GALNT18: variants seen among roughly 807,000 people sequenced by gnomAD.
The protein encoded by GALNT18 is GalNAc-transferase 18.
In GALNT18, 44 loss-of-function variants were observed where a neutral mutation model predicts 69.5. The observed-to-expected ratio is 0.63, with a 90% CI of 0.50 to 0.81. The LOEUF (loss-of-function observed/expected upper bound fraction) is 0.81, where lower values mean the gene tolerates loss of function less well. Ranked by LOEUF, GALNT18 falls within the 40% of genes least tolerant of loss-of-function variation. The pLI is 0.00. For missense variants in GALNT18, 715 were observed against 810.0 expected (o/e 0.88, Z 1.42); for synonymous variants, 364 against 318.2 (o/e 1.14, Z -1.53).
At chr11:11,510,450 C>T (rs1857144370) in intron 1 of GALNT18, among the ~76,000 whole-genome samples, 1 of 151,434 alleles carries the variant, frequency 6.6e-6, no homozygotes, top group Non-Finnish European at 1.5e-5. Flanking sequence ...CTTCTGCAAA[C>T]CTTCCATGAG....
At chr11:11,331,424 T>C (rs369130676) in intron 8 of GALNT18, among the ~76,000 whole-genome samples, 2 of 152,020 alleles carry the variant, frequency 1.3e-5, no homozygotes, top group East Asian at 3.9e-4. Context: ...AGGATGTATA[T>C]GATATAAGAG....
At position 11,612,722 on chromosome 11, in the gene GALNT18, C is replaced by T. The variant is rs545377363; in HGVS notation, c.235+8637G>A. On this transcript the variant is annotated intron_variant, in intron 1 of 10. Transcript: ENST00000227756. Reference sequence around the variant, plus strand: ...ACAATCTTAATCAGGGAACTCTGCTCTGAGACTTAAACTCAGTGCATTTGT... The same window carrying T: ...ACAATCTTAATCAGGGAACTCTGCTTTGAGACTTAAACTCAGTGCATTTGT... Among the ~76,000 whole-genome samples the T allele has an allele frequency of 2.4e-4, 37 of 152,328 alleles. 1 individual carries two copies. In the South Asian group the frequency reaches 6.4e-3, roughly 26 times the overall value.
rs1311364222 is a variant in GALNT18 at position 11,621,705 on chromosome 11, A to G, written c.-112T>C. 5 of 755,488 alleles carry G rather than the reference A, an allele frequency of 6.6e-6. No homozygotes were observed. The highest frequency in any genetic ancestry group is 1.1e-5 in the Non-Finnish European group (5 of 464,382). 46.8% of individuals were successfully genotyped at this position (755,488 alleles called of 1,614,324 possible). A position where few individuals can be genotyped will look rare whatever the true frequency, so the allele number is the denominator to read the frequency against. On this transcript the variant is annotated 5_prime_UTR_variant, in exon 1 of 11. Coordinates refer to ENST00000227756, the MANE Select transcript of GALNT18 (RefSeq NM_198516.3). This position sits in a 1 kb window ranked among gnomAD's most constrained non-coding sequence, Gnocchi z 9.3. ...GTCCGGAGCCGCTGGGCACCTCAGC[A>G]CCTGAGTCCCGAGGTTCTCCAAAGC...
chr11:11,314,995 A>T lies in GALNT18; in HGVS notation c.1512+12091T>A, dbSNP rs1849727233. Among the ~76,000 whole-genome samples the T allele has an allele frequency of 6.6e-6, 1 of 152,048 alleles. No individual in the cohort carries two copies. Among genetic ancestry groups the T allele is most frequent in the African/African-American group, 2.4e-5 (1 of 41,388 alleles). ...GGTGGTTTTAAGATTACATCAACTGACATACTGAAAGTGTCTAGCAGAGAT... is the reference window on the plus strand; with the variant it reads ...GGTGGTTTTAAGATTACATCAACTGTCATACTGAAAGTGTCTAGCAGAGAT... On this transcript the variant is annotated intron_variant, in intron 9 of 10. Coordinates refer to ENST00000227756, the MANE Select transcript of GALNT18 (RefSeq NM_198516.3). The surrounding 1 kb of genome is among the most constrained non-coding windows in gnomAD (Gnocchi z 5.2).
chr11:11,584,347 T>C lies in GALNT18; in HGVS notation c.235+37012A>G, dbSNP rs1483210426. ...CAAACACAAGGGGACAGTTTGTATTTTAAAGTCTTGGAAAAGTAAATCAAA... is the reference window on the plus strand; with the variant it reads ...CAAACACAAGGGGACAGTTTGTATTCTAAAGTCTTGGAAAAGTAAATCAAA... On this transcript the variant is annotated intron_variant, in intron 1 of 10. Coordinates refer to ENST00000227756, the MANE Select transcript of GALNT18 (RefSeq NM_198516.3). This position sits in a 1 kb window ranked among gnomAD's most constrained non-coding sequence, Gnocchi z 4.1. Among the ~76,000 whole-genome samples, 2 of 152,154 alleles carry C rather than the reference T, an allele frequency of 1.3e-5. No homozygotes were observed. Among genetic ancestry groups the C allele is most frequent in the East Asian group, 3.8e-4 (2 of 5,198 alleles).
In GALNT18 at chr11:11,619,640, C is replaced by T. The variant is rs1249638534; in HGVS notation, c.235+1719G>A. Among the ~76,000 whole-genome samples the T allele has an allele frequency of 6.6e-6, 1 of 152,158 alleles. No individual in the cohort carries two copies. Among genetic ancestry groups the T allele is most frequent in the East Asian group, 1.9e-4 (1 of 5,196 alleles). The stretch of plus-strand genomic sequence containing the variant: ...AATCTGTGAATGAAAATCTCAAAAT[C>T]TGTCGGCAAACTAGAAATGTCAAAG... On this transcript the variant is annotated intron_variant, in intron 1 of 10. Coordinates refer to ENST00000227756, the MANE Select transcript of GALNT18 (RefSeq NM_198516.3). The surrounding 1 kb of genome is among the most constrained non-coding windows in gnomAD (Gnocchi z 4.9).
At chr11:11,507,621 C>CAT (rs1204521733) in intron 1 of GALNT18, among the ~76,000 whole-genome samples, 3 of 152,054 alleles carry the variant, frequency 2.0e-5, no homozygotes, top group Non-Finnish European at 4.4e-5. Context: ...CCTTATAAAA[C>CAT]ATATATATTC....
At position 11,617,393 on chromosome 11, in the gene GALNT18, A is replaced by C. The variant is rs1184743528; in HGVS notation, c.235+3966T>G. On this transcript the variant is annotated intron_variant, in intron 1 of 10. Transcript: ENST00000227756. The surrounding 1 kb of genome is among the most constrained non-coding windows in gnomAD (Gnocchi z 4.7). ...CTCTAGTATACAGTTCACCACTGTAATCACTTTCTCAGTGCAGTGTCTGGC... is the reference window on the plus strand; with the variant it reads ...CTCTAGTATACAGTTCACCACTGTACTCACTTTCTCAGTGCAGTGTCTGGC... Among the ~76,000 whole-genome samples the C allele has an allele frequency of 6.6e-6, 1 of 152,232 alleles. No individual in the cohort carries two copies. The highest frequency in any genetic ancestry group is 1.5e-5 in the Non-Finnish European group (1 of 68,046).
intron 6 of GALNT18, among the ~76,000 whole-genome samples, chr11:11,357,748 G>A (rs1164506606): frequency 6.6e-6 from 1 of 152,090 alleles, no homozygotes; most frequent in Non-Finnish European, 1.5e-5. Context: ...GTGATTCTTG[G>A]GAGGGGTAAA....
intron 3 of GALNT18, among the ~76,000 whole-genome samples, chr11:11,417,691 TC>T (rs1198070803): frequency 6.6e-6 from 1 of 152,160 alleles, no homozygotes; most frequent in Non-Finnish European, 1.5e-5. Flanking sequence ...TCGGCCCACA[TC>T]CCATATTCAC....
intron 9 of GALNT18, among the ~76,000 whole-genome samples, chr11:11,312,564 GA>G (rs1849689772): frequency 6.6e-6 from 1 of 152,164 alleles, no homozygotes; most frequent in Non-Finnish European, 1.5e-5. Flanking sequence ...AGAGGCAGAA[GA>G]AAATTTGTAT....
chr11:11,352,273 G>A lies in GALNT18; in HGVS notation c.1093-11269C>T, dbSNP rs565318445. Reference sequence around the variant, plus strand: ...TGCTGATTTTCACTGTGGACAAAGCGTTCCCATCGCTTTCGAGAGTGTCTG... The same window carrying A: ...TGCTGATTTTCACTGTGGACAAAGCATTCCCATCGCTTTCGAGAGTGTCTG... On this transcript the variant is annotated intron_variant, in intron 6 of 10. Coordinates refer to ENST00000227756, the MANE Select transcript of GALNT18 (RefSeq NM_198516.3). 82 of 1,614,086 alleles carry A rather than the reference G, an allele frequency of 5.1e-5. 1 individual carries two copies. In the East Asian group the frequency reaches 6.5e-4, roughly 13 times the overall value.
rs73413685 is a variant in GALNT18, at chr11:11,613,058, C to G, written c.235+8301G>C. Among the ~76,000 whole-genome samples, 4,250 of 152,220 alleles carry G rather than the reference C, an allele frequency of 0.028. 188 individuals are homozygous for G. Among genetic ancestry groups the G allele is most frequent in the African/African-American group, 0.094 (3,924 of 41,534 alleles). ...GCTTCATCTCCCAAAAATAAACCTT[C>G]CAAAAACTGAAATTGAATGTCAGGC... is the stretch of plus-strand genomic sequence containing the variant. On this transcript the variant is annotated intron_variant, in intron 1 of 10. Coordinates refer to ENST00000227756, the MANE Select transcript of GALNT18 (RefSeq NM_198516.3). The surrounding 1 kb of genome is among the most constrained non-coding windows in gnomAD (Gnocchi z 4.2).
intron 2 of GALNT18, among the ~76,000 whole-genome samples, chr11:11,447,667 G>A (rs898494337): frequency 3.5e-4 from 53 of 152,210 alleles, no homozygotes; most frequent in African/African-American, 1.2e-3. Flanking sequence ...TGGCAGGAGA[G>A]AGAATGAGAG....
chr11:11,412,292 A>G (rs1854749530), intron 3 of GALNT18, among the ~76,000 whole-genome samples: 1 of 152,022 alleles, frequency 6.6e-6, no homozygotes, highest in Admixed American at 6.5e-5. Context: ...GCCCTACTAG[A>G]CCCCTACTAG....
In GALNT18 at chr11:11,342,546, C is replaced by T. The variant is rs554377740; in HGVS notation, c.1093-1542G>A. On this transcript the variant is annotated intron_variant, in intron 6 of 10. Transcript: ENST00000227756. The stretch of plus-strand genomic sequence containing the variant: ...CCCATCCATGTCACACCAGTTGGCC[C>T]CTATAGGCTCTAGGCTGTTGGAGTT... 3.3e-5 allele frequency among the ~76,000 whole-genome samples: 5 copies of T among 152,294 alleles called. No individual in the cohort carries two copies. In the East Asian group the frequency reaches 9.7e-4, roughly 29 times the overall value.
chr11:11,460,096 G>A (rs577017351), intron 1 of GALNT18, among the ~76,000 whole-genome samples: 8 of 152,166 alleles, frequency 5.3e-5, no homozygotes, highest in Non-Finnish European at 1.0e-4. Context: ...CTACGGTTGC[G>A]TTAGGCACAC....
chr11:11,497,767 T>TATATATACAC lies in GALNT18; in HGVS notation c.236-48832_236-48831insGTGTATATAT, dbSNP rs754130671. Among the ~76,000 whole-genome samples, 74 of 144,828 alleles carry TATATATACAC rather than the reference T, an allele frequency of 5.1e-4. No individual in the cohort carries two copies. Among genetic ancestry groups the TATATATACAC allele is most frequent in the African/African-American group, 1.8e-3 (72 of 39,510 alleles). On this transcript the variant is annotated intron_variant, in intron 1 of 10. Coordinates refer to ENST00000227756, the MANE Select transcript of GALNT18 (RefSeq NM_198516.3). The surrounding 1 kb of genome is among the most constrained non-coding windows in gnomAD (Gnocchi z 4.2). ...CATATTTTCTATATATATATATATATACACACACACACACATACACACAAA... is the reference window on the plus strand; with the variant it reads ...CATATTTTCTATATATATATATATATATATATACACACACACACACACACATACACACAAA...
chr11:11,574,466 A>G (rs1054124921), intron 1 of GALNT18, among the ~76,000 whole-genome samples: 12 of 152,224 alleles, frequency 7.9e-5, no homozygotes, highest in Admixed American at 1.3e-4. Flanking sequence ...ATTCTTAACT[A>G]CATCCAAATT....
Sources: allele counts gnomAD v4.1 joint callset (sites outside exome capture counted in the v4.1 genomes callset), GRCh38; gene constraint gnomAD v4.1.1; non-coding constraint Gnocchi (gnomAD v3.1); transcripts MANE v1.5; gene names NCBI Gene and HGNC (gene_info 2026-07-23, HGNC 2026-07-21).